Variants in SH3RF1 observed in about 807,000 individuals in gnomAD.
The protein encoded by SH3RF1 is SH3 domain containing ring finger 1.
Under a neutral mutation model 74.0 loss-of-function variants are expected in SH3RF1, and 32 were observed. The observed-to-expected ratio is 0.43, with a 90% CI of 0.33 to 0.58. The LOEUF (loss-of-function observed/expected upper bound fraction) is 0.58. SH3RF1 is among the 20% of genes least tolerant of loss of function. SH3RF1 has a pLI of 0.05. For missense variants in SH3RF1, 954 were observed against 1,130.9 expected, an observed-to-expected ratio of 0.84 and a Z score of 2.24; for synonymous variants, 396 against 439.6, an observed-to-expected ratio of 0.90 and a Z score of 1.24.
chr4:169,244,073 G>A (rs1339275649), intron 2 of SH3RF1, among the ~76,000 whole-genome samples: 1 of 152,160 alleles, frequency 6.6e-6, no homozygotes, highest in African/African-American at 2.4e-5. Flanking sequence ...GCTTCTACAT[G>A]CTCCTATTAT....
intron 2 of SH3RF1, among the ~76,000 whole-genome samples, chr4:169,171,750 T>C (rs976186095): frequency 2.0e-5 from 3 of 152,142 alleles, no homozygotes; most frequent in Non-Finnish European, 4.4e-5. Flanking sequence ...GCCTACAATA[T>C]TCCCCTCACA....
chr4:169,178,209 C>T (rs1020930410), intron 2 of SH3RF1, among the ~76,000 whole-genome samples: 7 of 142,076 alleles, frequency 4.9e-5, no homozygotes, highest in Admixed American at 1.5e-4. Flanking sequence ...CCAGCATGCT[C>T]CAGCCTGGGA....
intron 2 of SH3RF1, among the ~76,000 whole-genome samples, chr4:169,218,341 T>C (rs1730501248): frequency 7.1e-6 from 1 of 141,628 alleles, no homozygotes; most frequent in South Asian, 2.1e-4. Context: ...TTATAGAATA[T>C]AGAATATAAA....
At chr4:169,109,694 T>C (rs534739882) in intron 10 of SH3RF1, among the ~76,000 whole-genome samples, 1 of 151,736 alleles carries the variant, frequency 6.6e-6, no homozygotes, top group Non-Finnish European at 1.5e-5. Flanking sequence ...ACAGCAGAAA[T>C]GAAAACTAAA....
chr4:169,185,423 C>T (rs1016030959), intron 2 of SH3RF1, among the ~76,000 whole-genome samples: 1 of 151,930 alleles, frequency 6.6e-6, no homozygotes, highest in Middle Eastern at 3.2e-3. Flanking sequence ...CTTTAGCTGC[C>T]CAGAAAAAAC....
intron 2 of SH3RF1, among the ~76,000 whole-genome samples, chr4:169,238,536 T>C (rs1398138480): frequency 6.6e-6 from 1 of 152,206 alleles, no homozygotes; most frequent in East Asian, 1.9e-4. Context: ...CTGAGAATTA[T>C]GAATTGTTGT....
intron 4 of SH3RF1, among the ~76,000 whole-genome samples, chr4:169,155,175 C>T (rs1734031221): frequency 6.6e-6 from 1 of 152,174 alleles, no homozygotes; most frequent in Non-Finnish European, 1.5e-5. Context: ...TCTACTCCCA[C>T]CAAAGCCAGC....
chr4:169,187,495 T>C (rs1734627057), intron 2 of SH3RF1, among the ~76,000 whole-genome samples: 1 of 151,154 alleles, frequency 6.6e-6, no homozygotes, highest in Non-Finnish European at 1.5e-5. Context: ...GACTACAGTA[T>C]ATTTTCTTTA....
chr4:169,103,247 T>C (rs2126935950), intron 11 of SH3RF1, among the ~76,000 whole-genome samples: 1 of 152,060 alleles, frequency 6.6e-6, no homozygotes, highest in South Asian at 2.1e-4. Context: ...ATTCTTTTAC[T>C]TTAGATGTAT....
chr4:169,097,594 C>G (rs964892741), intron 11 of SH3RF1, among the ~76,000 whole-genome samples: 3 of 152,110 alleles, frequency 2.0e-5, no homozygotes, highest in Admixed American at 2.0e-4. Context: ...ACTCTATATC[C>G]TTTTATCTTT....
intron 2 of SH3RF1, among the ~76,000 whole-genome samples, chr4:169,247,865 T>A (rs1731029580): frequency 1.0e-5 from 1 of 97,558 alleles, no homozygotes; most frequent in Admixed American, 1.2e-4. Flanking sequence ...AAGAAGACAT[T>A]TATGCAGCCA....
chr4:169,116,377 C>T lies in SH3RF1; in HGVS notation c.2031G>A (p.Glu677=). 6.2e-7 allele frequency: 1 copy of T among 1,614,210 alleles called. No individual in the cohort carries two copies. The highest frequency in any genetic ancestry group is 8.5e-7 in the Non-Finnish European group (1 of 1,180,034). ...GAACGGTCACTATCCGGCCACTGGG[C>T]TCAGCCTCCAGAGAAGCACTGGTGA... ...PSITSASLEA[E]PSGRIVTVLP... Residue 677 remains glutamate, a synonymous_variant, in exon 10 of 12, where the codon GAG becomes GAA. Coordinates refer to ENST00000284637, the MANE Select transcript of SH3RF1 (RefSeq NM_020870.4).
chr4:169,217,743 T>TA (rs997528737), intron 2 of SH3RF1, among the ~76,000 whole-genome samples: 5 of 152,108 alleles, frequency 3.3e-5, no homozygotes, highest in African/African-American at 9.7e-5. Context: ...CTGGGGAAGC[T>TA]AAAAAAACTC....
At chr4:169,178,281 TAAATAAGCAACTATGCTTATTTAAAA>T (rs66747381) in intron 2 of SH3RF1, among the ~76,000 whole-genome samples, 2,864 of 114,016 alleles carry the variant, frequency 0.025, 106 homozygotes, top group African/African-American at 0.097. Context: ...AATTTTTTTT[TAAATAAGCAACTATGCTTATTTAAAA>T]AAATAAGCAA....
intron 2 of SH3RF1, among the ~76,000 whole-genome samples, chr4:169,247,616 T>C (rs1731024784): frequency 6.6e-6 from 1 of 152,104 alleles, no homozygotes; most frequent in Non-Finnish European, 1.5e-5. Flanking sequence ...TACAACTATA[T>C]GGGCCAGAGA....
At chr4:169,249,227 C>CA (rs1203422143) in intron 2 of SH3RF1, among the ~76,000 whole-genome samples, 1 of 150,452 alleles carries the variant, frequency 6.6e-6, no homozygotes, top group African/African-American at 2.5e-5. Context: ...GACTCCGTCT[C>CA]AAAAAAAGAA....
At position 169,226,849 on chromosome 4, in the gene SH3RF1, C is replaced by T. The variant is rs533522703; in HGVS notation, c.393+41971G>A. Among the ~76,000 whole-genome samples, 10 of 152,226 alleles carry T rather than the reference C, an allele frequency of 6.6e-5. No homozygotes were observed. The East Asian group carries it at 1.9e-3, about 29-fold the overall frequency. On this transcript the variant is annotated intron_variant, in intron 2 of 11. Coordinates refer to ENST00000284637, the MANE Select transcript of SH3RF1 (RefSeq NM_020870.4). ...CTAATTCTAAATCTAAATTGTACTA[C>T]CTCAGTCACCTAACTGCTTTTAAAA...
intron 2 of SH3RF1, among the ~76,000 whole-genome samples, chr4:169,265,723 T>A (rs1731341406): frequency 6.6e-6 from 1 of 152,064 alleles, no homozygotes; most frequent in Admixed American, 6.6e-5. Context: ...TCCACCCACC[T>A]CCTCGGCCTC....
intron 2 of SH3RF1, among the ~76,000 whole-genome samples, chr4:169,211,776 T>A (rs1730375376): frequency 2.0e-5 from 3 of 152,140 alleles, no homozygotes; most frequent in Admixed American, 6.5e-5. Context: ...TCAGTATATG[T>A]CAGAGAATCT....
Sources: gnomAD v4.1 joint callset for allele counts (sites outside exome capture counted in the v4.1 genomes callset) on GRCh38, gnomAD v4.1.1 for gene constraint, MANE v1.5 for transcripts, NCBI Gene and HGNC (gene_info 2026-07-23, HGNC 2026-07-21) for gene names.